Variants in MOK observed in about 807,000 individuals in gnomAD.
MOK encodes MAPK/MAK/MRK overlapping kinase.
A neutral mutation model predicts 54.2 loss-of-function variants in MOK; 59 were observed. The observed-to-expected ratio is 1.09, with a 90% CI of 0.88 to 1.35. MOK has a LOEUF of 1.35. Ranked by LOEUF, MOK falls within the 40% of genes most tolerant of loss-of-function variation. MOK has a pLI of 0.00. For synonymous variants in MOK, 210 were observed against 202.7 expected (o/e 1.04, Z -0.31); for missense variants, 517 against 526.2 (o/e 0.98, Z 0.17).
chr14:102,289,343 A>C (rs967562174), intron 1 of MOK, among the ~76,000 whole-genome samples: 1 of 152,180 alleles, frequency 6.6e-6, no homozygotes, highest in Admixed American at 6.6e-5. Flanking sequence ...ACAAAGAAAC[A>C]CAGACTGAGA....
chr14:102,258,276 C>G (rs1437922207), intron 4 of MOK, among the ~76,000 whole-genome samples: 2 of 152,160 alleles, frequency 1.3e-5, no homozygotes, highest in Admixed American at 1.3e-4. Flanking sequence ...TGCCTGCCTA[C>G]TCCGTTTCCT....
At chr14:102,299,389 C>T (rs2071887890) in intron 1 of MOK, among the ~76,000 whole-genome samples, 1 of 151,944 alleles carries the variant, frequency 6.6e-6, no homozygotes, top group African/African-American at 2.4e-5. Context: ...TGGTTTGCAC[C>T]TATAAATCCC....
In MOK at chr14:102,278,405, G is replaced by T. The variant is rs2069089059; in HGVS notation, c.122+5073C>A. Reference sequence around the variant, plus strand: ...GTAAAAAAAAAAAAAAAGGCTTTTAGAGAGACTAATAAATTCCTTGCCTTT... The same window carrying T: ...GTAAAAAAAAAAAAAAAGGCTTTTATAGAGACTAATAAATTCCTTGCCTTT... On this transcript the variant is annotated intron_variant, in intron 2 of 11. Transcript: ENST00000361847. Among the ~76,000 whole-genome samples the T allele has an allele frequency of 2.7e-5, 4 of 150,418 alleles. No individual in the cohort carries two copies. In the South Asian group the frequency reaches 6.3e-4, roughly 24 times the overall value.
chr14:102,232,351 G>C lies in MOK; in HGVS notation c.866+184C>G. The C allele has an allele frequency of 3.5e-6, 2 of 569,892 alleles. No individual in the cohort carries two copies. The highest frequency in any genetic ancestry group is 5.8e-6 in the Non-Finnish European group (2 of 347,618). 35.3% of individuals were successfully genotyped at this position (569,892 alleles called of 1,614,324 possible). A position where few individuals can be genotyped will look rare whatever the true frequency, so the allele number is the denominator to read the frequency against. The stretch of plus-strand genomic sequence containing the variant: ...GGAGCTGCTAACATCCTCATTTTGG[G>C]GAGGATACACCAGAAGGCAGCACGG... On this transcript the variant is annotated intron_variant, in intron 9 of 11. Transcript: ENST00000361847. The surrounding 1 kb of genome is among the most constrained non-coding windows in gnomAD (Gnocchi z 5.1).
At chr14:102,266,748 A>G (rs1294067252) in intron 2 of MOK, among the ~76,000 whole-genome samples, 1 of 151,896 alleles carries the variant, frequency 6.6e-6, no homozygotes, top group East Asian at 1.9e-4. Context: ...ATGCCTGGCT[A>G]ATTTTTTTAT....
chr14:102,223,660 C>T (rs2064135117), downstream of MOK: 1 of 152,522 alleles, frequency 6.6e-6, no homozygotes, highest in Non-Finnish European at 1.5e-5. Context: ...AATATTAAAA[C>T]TATCTTGAAT....
chr14:102,291,177 G>A (rs1424814737), intron 1 of MOK, among the ~76,000 whole-genome samples: 1 of 152,118 alleles, frequency 6.6e-6, no homozygotes, highest in African/African-American at 2.4e-5. Flanking sequence ...CAAAAAACCG[G>A]AAGCCATAAC....
rs368951895 is a variant in MOK at position 102,251,710 on chromosome 14, A to G, written c.411+46T>C. 4.0e-5 allele frequency: 58 copies of G among 1,461,540 alleles called. No individual in the cohort carries two copies. In the Middle Eastern group the frequency reaches 1.7e-3, roughly 44 times the overall value. 90.5% of individuals were successfully genotyped at this position (1,461,540 alleles called of 1,614,324 possible). On this transcript the variant is annotated intron_variant, in intron 6 of 11. Transcript: ENST00000361847. ...GAAAACCTTTCGGGAAAGATTTTCTATTCAGCTTTTATTCTGATACCCAGC... is the reference window on the plus strand; with the variant it reads ...GAAAACCTTTCGGGAAAGATTTTCTGTTCAGCTTTTATTCTGATACCCAGC...
intron 1 of MOK, among the ~76,000 whole-genome samples, chr14:102,286,705 C>A (rs998293615): frequency 6.6e-6 from 1 of 151,974 alleles, no homozygotes; most frequent in Non-Finnish European, 1.5e-5. Context: ...CCAAATGGCC[C>A]CCATAGGAAA....
At chr14:102,301,555 A>G (rs1226411010) in intron 1 of MOK, among the ~76,000 whole-genome samples, 1 of 152,048 alleles carries the variant, frequency 6.6e-6, no homozygotes, top group Non-Finnish European at 1.5e-5. Context: ...ACCCCAAGCT[A>G]TGGATCCAAT....
chr14:102,304,905 C>CCG, intron 1 of MOK, 57 bp downstream of exon 1: 2 of 1,518,680 alleles, frequency 1.3e-6, no homozygotes, highest in Non-Finnish European at 1.8e-6. Flanking sequence ...TCCCCCAGTC[C>CCG]CTCCCTCCCC....
Position 102,231,606 on chromosome 14 carries a change from A to T in MOK, c.981+101T>A. ...CTCGACTGACAATGTGGTCTGCCAC[A>T]GCCTCCACAGGTGGCGTCCTCCTGA... On this transcript the variant is annotated intron_variant, in intron 10 of 11. Coordinates refer to ENST00000361847, the MANE Select transcript of MOK (RefSeq NM_014226.3). The surrounding 1 kb of genome is among the most constrained non-coding windows in gnomAD (Gnocchi z 4.4). The T allele has an allele frequency of 4.1e-6, 4 of 977,832 alleles. No homozygotes were observed. The highest frequency in any genetic ancestry group is 4.8e-6 in the Non-Finnish European group (3 of 628,526). 60.6% of individuals were successfully genotyped at this position (977,832 alleles called of 1,614,324 possible). A position where few individuals can be genotyped will look rare whatever the true frequency, so the allele number is the denominator to read the frequency against.
chr14:102,252,994 G>C (rs2066648745), intron 4 of MOK, among the ~76,000 whole-genome samples: 1 of 152,176 alleles, frequency 6.6e-6, no homozygotes, highest in African/African-American at 2.4e-5. Context: ...ACACCGCAAG[G>C]GCCTGTTTTG....
intron 2 of MOK, among the ~76,000 whole-genome samples, chr14:102,275,264 A>T (rs967530253): frequency 1.3e-5 from 2 of 151,944 alleles, no homozygotes; most frequent in Admixed American, 1.3e-4. Flanking sequence ...CATTCACAAA[A>T]ATTAATTTAA....
chr14:102,271,028 C>T (rs530772143), intron 2 of MOK, among the ~76,000 whole-genome samples: 1 of 152,220 alleles, frequency 6.6e-6, no homozygotes, highest in East Asian at 1.9e-4. Context: ...CCCATCTCTA[C>T]TAAAAATACA....
In MOK at chr14:102,229,450, G is replaced by A. The variant is rs768218521; in HGVS notation, c.1182+7C>T. On this transcript the variant is annotated splice_region_variant and intron_variant, in intron 11 of 11. Transcript: ENST00000361847. Reference sequence around the variant, plus strand: ...CAGCGCCGTCAGAGAAGCTGGTTCCGCGCTACCTTCTTGCTCGCAGGGATG... The same window carrying A: ...CAGCGCCGTCAGAGAAGCTGGTTCCACGCTACCTTCTTGCTCGCAGGGATG... The A allele has an allele frequency of 2.5e-6, 4 of 1,614,072 alleles. No individual in the cohort carries two copies. The highest frequency in any genetic ancestry group is 3.4e-6 in the Non-Finnish European group (4 of 1,180,038).
chr14:102,239,370 G>A (rs1477307041), intron 7 of MOK, among the ~76,000 whole-genome samples: 2 of 126,508 alleles, frequency 1.6e-5, no homozygotes, highest in African/African-American at 5.1e-5. Context: ...ATGTATGGAT[G>A]CCCTTTCCTC....
chr14:102,220,103 G>A (rs112938245), downstream of MOK, among the ~76,000 whole-genome samples: 13,693 of 152,320 alleles, frequency 0.09, 637 homozygotes, highest in South Asian at 0.15. This position sits in a 1 kb window ranked among gnomAD's most constrained non-coding sequence, Gnocchi z 4.2. Context: ...ACCAGCTGGC[G>A]GAAGCAGCGT....
At chr14:102,225,196 A>G, downstream of MOK, 1 of 202,002 alleles carries the variant, frequency 5.0e-6, no homozygotes, top group Non-Finnish European at 1.0e-5. Context: ...GAGTAGCTGG[A>G]ATCACACGTG....
Sources: gnomAD v4.1 joint callset for allele counts (sites outside exome capture counted in the v4.1 genomes callset) on GRCh38, gnomAD v4.1.1 for gene constraint, Gnocchi (gnomAD v3.1) non-coding constraint, MANE v1.5 for transcripts, NCBI Gene and HGNC (gene_info 2026-07-23, HGNC 2026-07-21) for gene names.